MYO16: variants seen among roughly 807,000 people sequenced by gnomAD.
MYO16 encodes unconventional myosin-XVI.
Under a neutral mutation model 205.3 loss-of-function variants are expected in MYO16, and 94 were observed. That is an observed-to-expected ratio of 0.46 (90% CI 0.39 to 0.54). The LOEUF (loss-of-function observed/expected upper bound fraction) is 0.54, where lower values mean the gene tolerates loss of function less well. MYO16 is among the 20% of genes least tolerant of loss of function. The probability of loss-of-function intolerance (pLI) is 0.00; values close to 1 mark genes in which losing one functional copy is unlikely to be tolerated. For synonymous variants in MYO16, 988 were observed against 954.0 expected, an observed-to-expected ratio of 1.04 and a Z score of -0.66; for missense variants, 2,315 against 2,387.5, an observed-to-expected ratio of 0.97 and a Z score of 0.63.
intron 2 of MYO16, among the ~76,000 whole-genome samples, chr13:108,686,700 G>A (rs1027037323): frequency 3.0e-4 from 45 of 152,186 alleles, no homozygotes; most frequent in African/African-American, 9.2e-4. Context: ...TTTACTCATA[G>A]GAAGTTCTAA....
intron 27 of MYO16, among the ~76,000 whole-genome samples, chr13:109,092,205 CA>C (rs2139692610): frequency 6.6e-6 from 1 of 152,266 alleles, no homozygotes; most frequent in Admixed American, 6.5e-5. Context: ...AGAGAAAGTG[CA>C]TCTGAGGTTA....
intron 16 of MYO16, among the ~76,000 whole-genome samples, chr13:108,955,570 T>C (rs1303897228): frequency 6.6e-6 from 1 of 152,136 alleles, no homozygotes; most frequent in Non-Finnish European, 1.5e-5. Context: ...AGTCACCTTC[T>C]CCAGCCAGGC....
chr13:109,101,117 T>A, intron 28 of MYO16: 1 of 440,628 alleles, frequency 2.3e-6, no homozygotes, highest in Non-Finnish European at 4.2e-6. Flanking sequence ...CTTTACAACA[T>A]GACAGAAGCT....
chr13:108,538,372 A>G, the MYO16 span, among the ~76,000 whole-genome samples: 1 of 152,144 alleles, frequency 6.6e-6, no homozygotes, highest in African/African-American at 2.4e-5. Flanking sequence ...ATGTTAAACA[A>G]GGTAAGTGAG....
At position 108,840,492 on chromosome 13, in the gene MYO16, C is replaced by T. The variant is rs978680452; in HGVS notation, c.1098-3851C>T. Among the ~76,000 whole-genome samples, 7 of 152,242 alleles carry T rather than the reference C, an allele frequency of 4.6e-5. No homozygotes were observed. In the East Asian group the frequency reaches 9.6e-4, roughly 21 times the overall value. On this transcript the variant is annotated intron_variant, in intron 9 of 34. Transcript: ENST00000457511. ...ACAAAATCATTTGTGTATTTATATA[C>T]TAAAATTCAATAAATGGAAATTGGA...
intron 7 of MYO16, among the ~76,000 whole-genome samples, chr13:108,813,092 G>A (rs773997863): frequency 2.0e-5 from 3 of 152,130 alleles, no homozygotes; most frequent in Non-Finnish European, 2.9e-5. Flanking sequence ...ACGGGCAGAG[G>A]AGGATTATGA....
At chr13:108,723,074 G>T (rs1189052405) in intron 3 of MYO16, among the ~76,000 whole-genome samples, 2 of 151,994 alleles carry the variant, frequency 1.3e-5, no homozygotes, top group African/African-American at 4.8e-5. Context: ...GTACACTCTT[G>T]AGACGATCTG....
intron 2 of MYO16, among the ~76,000 whole-genome samples, chr13:108,669,903 T>A (rs1881910243): frequency 6.6e-6 from 1 of 151,956 alleles, no homozygotes; most frequent in Admixed American, 6.6e-5. Context: ...GAGGGGAACA[T>A]CACACACTGG....
At chr13:109,173,598 A>G (rs1225980349) in intron 33 of MYO16, among the ~76,000 whole-genome samples, 1 of 152,178 alleles carries the variant, frequency 6.6e-6, no homozygotes, top group Non-Finnish European at 1.5e-5. Context: ...ATGAATGCCA[A>G]TTTAAAGAGT....
In MYO16 at chr13:109,067,748, C is replaced by T. The variant is rs545202463; in HGVS notation, c.3335+12153C>T. Among the ~76,000 whole-genome samples the T allele has an allele frequency of 1.3e-3, 204 of 152,224 alleles. 2 individuals carry two copies. The highest frequency in any genetic ancestry group is 5.8e-3 in the Admixed American group (89 of 15,290). On this transcript the variant is annotated intron_variant, in intron 27 of 34. Coordinates refer to ENST00000457511, the MANE Select transcript of MYO16 (RefSeq NM_001198950.3). ...GAGTTTCCTGGACTGCAGCCAGTCC[C>T]ATACCTCTCACCAGCCATCCCACAG...
At chr13:108,893,476 C>T (rs1439063345) in intron 14 of MYO16, among the ~76,000 whole-genome samples, 2 of 152,058 alleles carry the variant, frequency 1.3e-5, no homozygotes, top group Admixed American at 6.6e-5. Context: ...GTAGAAATTT[C>T]CAAGAACCTA....
chr13:108,946,463 A>G (rs752026737), intron 16 of MYO16, among the ~76,000 whole-genome samples: 5 of 152,222 alleles, frequency 3.3e-5, no homozygotes, highest in Non-Finnish European at 7.3e-5. Context: ...CTAGGTATAC[A>G]TATGGAAACT....
intron 12 of MYO16, among the ~76,000 whole-genome samples, chr13:108,870,783 T>G (rs1879013213): frequency 6.6e-6 from 1 of 152,038 alleles, no homozygotes; most frequent in Non-Finnish European, 1.5e-5. Flanking sequence ...TCTAATTTAT[T>G]TGGGTATAAT....
intron 27 of MYO16, among the ~76,000 whole-genome samples, chr13:109,090,588 G>T (rs745431843): frequency 6.6e-6 from 1 of 152,326 alleles, no homozygotes; most frequent in Non-Finnish European, 1.5e-5. Flanking sequence ...CTGCCCTGCA[G>T]TGTGGGCGTG....
chr13:108,946,385 A>C (rs1882941805), intron 16 of MYO16, among the ~76,000 whole-genome samples: 1 of 152,154 alleles, frequency 6.6e-6, no homozygotes, highest in Admixed American at 6.5e-5. Context: ...TTCACTATGG[A>C]CTTATCAGCC....
rs575128419 is a variant in MYO16, at chr13:108,936,629, T to C, written c.1926-21059T>C. 9.9e-5 allele frequency among the ~76,000 whole-genome samples: 15 copies of C among 152,242 alleles called. No homozygotes were observed. The South Asian group carries it at 2.7e-3, about 27-fold the overall frequency. On this transcript the variant is annotated intron_variant, in intron 16 of 34. Transcript: ENST00000457511. ...AAATATATTTTATCTAATATAAGAA[T>C]AGTGATCCCTGCTTTTTGTTTTGTT...
At chr13:108,842,102 A>T (rs1877272514) in intron 9 of MYO16, among the ~76,000 whole-genome samples, 1 of 152,078 alleles carries the variant, frequency 6.6e-6, no homozygotes, top group Admixed American at 6.6e-5. Context: ...TAAATATAAA[A>T]ACCATAAACC....
At chr13:108,717,657 C>G (rs1230622461) in intron 3 of MYO16, among the ~76,000 whole-genome samples, 3 of 148,468 alleles carry the variant, frequency 2.0e-5, no homozygotes, top group Non-Finnish European at 4.4e-5. Flanking sequence ...AAAATTGAGC[C>G]ATAATGTATC....
intron 3 of MYO16, among the ~76,000 whole-genome samples, chr13:108,726,557 CAAAA>C (rs756271184): frequency 1.8e-5 from 2 of 108,222 alleles, no homozygotes; most frequent in Admixed American, 9.4e-5. Flanking sequence ...GACTCTGTTT[CAAAA>C]AAAAAAAAAA....
Sources: allele counts gnomAD v4.1 joint callset (sites outside exome capture counted in the v4.1 genomes callset), GRCh38; gene constraint gnomAD v4.1.1; transcripts MANE v1.5; gene names NCBI Gene and HGNC (gene_info 2026-07-23, HGNC 2026-07-21).